The following GATB variants were observed in gnomAD, a reference collection of about 807,000 sequenced individuals.
The protein encoded by GATB is glutamyl-tRNA amidotransferase subunit B.
In GATB, 39 loss-of-function variants were observed where a neutral mutation model predicts 62.3. The observed-to-expected ratio is 0.63, with a 90% CI of 0.48 to 0.82. GATB has a LOEUF of 0.82. Among genes scored for constraint, GATB ranks in the 40% least tolerant of loss-of-function variants. The probability of loss-of-function intolerance (pLI) is 0.00; values close to 1 mark genes in which losing one functional copy is unlikely to be tolerated. For missense variants in GATB, 670 were observed against 684.0 expected, an observed-to-expected ratio of 0.98 and a Z score of 0.23; for synonymous variants, 276 against 258.9, an observed-to-expected ratio of 1.07 and a Z score of -0.63.
intron 7 of GATB, among the ~76,000 whole-genome samples, chr4:151,704,266 G>C (rs753591347): frequency 7.2e-5 from 11 of 152,120 alleles, no homozygotes; most frequent in Non-Finnish European, 1.3e-4. Flanking sequence ...TCTTCACTCT[G>C]TTCCGCCTCT....
chr4:151,718,327 T>C (rs1262060520), intron 3 of GATB, among the ~76,000 whole-genome samples: 3 of 152,076 alleles, frequency 2.0e-5, no homozygotes, highest in Non-Finnish European at 2.9e-5. Flanking sequence ...TAAATCTGAA[T>C]TTCAGAAAAA....
chr4:151,693,143 T>A (rs1738400127), intron 9 of GATB, among the ~76,000 whole-genome samples: 1 of 151,360 alleles, frequency 6.6e-6, no homozygotes, highest in South Asian at 2.1e-4. Flanking sequence ...TCTTATAAAG[T>A]GAGAAAAACA....
intron 2 of GATB, among the ~76,000 whole-genome samples, chr4:151,731,652 T>A (rs374725319): frequency 1.4e-5 from 2 of 147,474 alleles, no homozygotes; most frequent in East Asian, 2.0e-4. Flanking sequence ...CCAGCTGCCA[T>A]CCCGTCTAGG....
At chr4:151,712,406 G>T (rs535651045) in intron 5 of GATB, among the ~76,000 whole-genome samples, 1 of 152,150 alleles carries the variant, frequency 6.6e-6, no homozygotes, top group African/African-American at 2.4e-5. Flanking sequence ...ATGGCATCAG[G>T]CTCAATTTCT....
intron 2 of GATB, among the ~76,000 whole-genome samples, chr4:151,731,314 G>A (rs1486211613): frequency 3.9e-5 from 6 of 152,176 alleles, no homozygotes; most frequent in African/African-American, 1.2e-4. Flanking sequence ...ACGGGGTTTC[G>A]CCATGTTGGC....
At position 151,730,725 on chromosome 4, in the gene GATB, G is replaced by T. The variant is rs905938133; in HGVS notation, c.328-11187C>A. On this transcript the variant is annotated intron_variant, in intron 2 of 12. Transcript: ENST00000263985. The surrounding 1 kb of genome is among the most constrained non-coding windows in gnomAD (Gnocchi z 4.1). ...AGCCACATCCACAGGAAAAGGGAGA[G>T]AATATTATTACATCAAGGGAACACC... Among the ~76,000 whole-genome samples, 1 of 152,196 alleles carries T rather than the reference G, an allele frequency of 6.6e-6. No individual in the cohort carries two copies. Among genetic ancestry groups the T allele is most frequent in the South Asian group, 2.1e-4 (1 of 4,830 alleles).
At chr4:151,672,014 C>G (rs888598639) in intron 12 of GATB, among the ~76,000 whole-genome samples, 2 of 152,192 alleles carry the variant, frequency 1.3e-5, no homozygotes, top group Non-Finnish European at 2.9e-5. Flanking sequence ...GGCAGGAAGA[C>G]GAGGCTGTGG....
At chr4:151,712,769 G>A (rs2126975479) in intron 5 of GATB, among the ~76,000 whole-genome samples, 1 of 152,326 alleles carries the variant, frequency 6.6e-6, no homozygotes, top group South Asian at 2.1e-4. Flanking sequence ...ATCCAGCACA[G>A]GCTGTTTTCG....
chr4:151,754,014 A>G (rs192587649), intron 2 of GATB, among the ~76,000 whole-genome samples: 1 of 152,242 alleles, frequency 6.6e-6, no homozygotes, highest in East Asian at 1.9e-4. Flanking sequence ...AATAAATCCA[A>G]TGGGCACTTC....
intron 11 of GATB, chr4:151,673,496 A>G (rs1357125796): frequency 1.3e-5 from 2 of 152,282 alleles, no homozygotes; most frequent in Non-Finnish European, 2.9e-5. Context: ...TGAAGATACA[A>G]AATGGCAAAC....
intron 11 of GATB, among the ~76,000 whole-genome samples, chr4:151,677,107 G>T (rs1738023859): frequency 6.6e-6 from 1 of 152,116 alleles, no homozygotes. Context: ...ACTTATTGGA[G>T]CCTCTTCCAG....
intron 9 of GATB, among the ~76,000 whole-genome samples, chr4:151,695,799 C>T (rs1434903355): frequency 6.6e-6 from 1 of 152,070 alleles, no homozygotes; most frequent in Non-Finnish European, 1.5e-5. Context: ...TCTCTGTTGC[C>T]CAGGCTGGAC....
At chr4:151,680,008 A>G in intron 10 of GATB, 117 bp from the exon 11 acceptor site, 1 of 819,420 alleles carries the variant, frequency 1.2e-6, no homozygotes, top group Non-Finnish European at 2.1e-6. Flanking sequence ...ACCCACGCCT[A>G]GGGATGAAAA....
At chr4:151,736,328 G>A (rs1322708522) in intron 2 of GATB, among the ~76,000 whole-genome samples, 1 of 152,116 alleles carries the variant, frequency 6.6e-6, no homozygotes, top group African/African-American at 2.4e-5. Context: ...TCTTTTAACT[G>A]GTAGGAAAAT....
intron 9 of GATB, among the ~76,000 whole-genome samples, chr4:151,699,318 G>C (rs1312718540): frequency 6.6e-6 from 1 of 151,754 alleles, no homozygotes; most frequent in African/African-American, 2.4e-5. Flanking sequence ...GAATCTGGGA[G>C]GCAGAGGTTG....
chr4:151,705,093 T>C (rs1227674081), intron 7 of GATB, 92 bp downstream of exon 7: 2 of 805,112 alleles, frequency 2.5e-6, no homozygotes, highest in African/African-American at 3.4e-5. Flanking sequence ...GCTACGTGCC[T>C]CCTTCAAGGT....
At chr4:151,720,298 G>C (rs143410084) in intron 2 of GATB, 2 of 152,186 alleles carry the variant, frequency 1.3e-5, no homozygotes, top group African/African-American at 4.8e-5. Context: ...AGATAATGTA[G>C]CCAAGGAGAA....
At chr4:151,731,063 T>G (rs1340250356) in intron 2 of GATB, among the ~76,000 whole-genome samples, 1 of 151,888 alleles carries the variant, frequency 6.6e-6, no homozygotes. Flanking sequence ...TTCAAGGAAA[T>G]AGATAGCTTA....
intron 2 of GATB, among the ~76,000 whole-genome samples, chr4:151,750,998 T>C (rs920934275): frequency 2.6e-5 from 4 of 152,034 alleles, no homozygotes; most frequent in Admixed American, 6.6e-5. Context: ...CCATGAGAAG[T>C]TGGGTAACAT....
Sources: gnomAD v4.1 joint callset for allele counts (sites outside exome capture counted in the v4.1 genomes callset) on GRCh38, gnomAD v4.1.1 for gene constraint, Gnocchi (gnomAD v3.1) non-coding constraint, MANE v1.5 for transcripts, NCBI Gene and HGNC (gene_info 2026-07-23, HGNC 2026-07-21) for gene names.